The following SYT16 variants were observed in gnomAD, a reference collection of about 807,000 sequenced individuals.
SYT16 encodes the protein synaptotagmin-16.
SYT16 carries 42 observed loss-of-function variants against 61.4 expected under a neutral mutation model. The observed-to-expected ratio is 0.68, with a 90% CI of 0.53 to 0.89. The LOEUF is 0.89. Among genes scored for constraint, SYT16 ranks in the 40% least tolerant of loss-of-function variants. SYT16 has a pLI of 0.00. For synonymous variants in SYT16, 314 were observed against 302.3 expected, an observed-to-expected ratio of 1.04 and a Z score of -0.40; for missense variants, 804 against 807.3, an observed-to-expected ratio of 1.00 and a Z score of 0.05.
At chr14:62,059,125 G>A (rs113183713) in intron 3 of SYT16, among the ~76,000 whole-genome samples, 15,840 of 151,986 alleles carry the variant, frequency 0.1, 2,105 homozygotes, top group African/African-American at 0.31. Flanking sequence ...ATGGGTACTA[G>A]GCTTCATATC....
At chr14:61,980,230 A>T (rs1017921689) in intron 2 of SYT16, among the ~76,000 whole-genome samples, 6 of 152,228 alleles carry the variant, frequency 3.9e-5, no homozygotes, top group Non-Finnish European at 7.3e-5. Context: ...CTTAATTTGC[A>T]TAGAATATAC....
chr14:61,828,721 T>A (rs1274451623), intron 1 of SYT16, among the ~76,000 whole-genome samples: 3 of 152,236 alleles, frequency 2.0e-5, no homozygotes, highest in Non-Finnish European at 4.4e-5. Flanking sequence ...TCCTATCTGA[T>A]ACCATAAACA....
At chr14:62,035,333 C>T in intron 3 of SYT16, among the ~76,000 whole-genome samples, 1 of 152,278 alleles carries the variant, frequency 6.6e-6, no homozygotes. Context: ...GTGCTGTGTA[C>T]TGCTTTGATT....
At chr14:62,089,135 T>C (rs1340138235) in intron 7 of SYT16, among the ~76,000 whole-genome samples, 2 of 151,896 alleles carry the variant, frequency 1.3e-5, no homozygotes, top group East Asian at 3.9e-4. Context: ...CTGGTCAAAA[T>C]GGTGAAACCC....
intron 1 of SYT16, among the ~76,000 whole-genome samples, chr14:61,957,094 A>T (rs1182370375): frequency 6.6e-6 from 1 of 151,908 alleles, no homozygotes; most frequent in Non-Finnish European, 1.5e-5. Context: ...CTAATTACTC[A>T]TTCAAATAGG....
At chr14:62,077,414 C>T (rs779188981) in intron 5 of SYT16, among the ~76,000 whole-genome samples, 8 of 152,190 alleles carry the variant, frequency 5.3e-5, no homozygotes, top group Non-Finnish European at 7.3e-5. Flanking sequence ...TCTCTGCTGG[C>T]GAAGGCCTTT....
chr14:61,947,306 G>GTGTA (rs2050483828), intron 1 of SYT16, among the ~76,000 whole-genome samples: 2 of 148,856 alleles, frequency 1.3e-5, no homozygotes, highest in African/African-American at 5.1e-5. Context: ...GTGTGTGTGT[G>GTGTA]TGTGTTTGTG....
chr14:62,081,647 T>G (rs1892052), intron 6 of SYT16, among the ~76,000 whole-genome samples: 26,179 of 152,180 alleles, frequency 0.17, 2,527 homozygotes, highest in African/African-American at 0.25. Flanking sequence ...GCAAGGTTCT[T>G]AACGGGTATG....
At chr14:61,975,197 C>A (rs1208853580) in intron 2 of SYT16, among the ~76,000 whole-genome samples, 3 of 152,110 alleles carry the variant, frequency 2.0e-5, no homozygotes, top group East Asian at 3.9e-4. Context: ...AAGTTGAGGA[C>A]CATCTGTGCA....
intron 3 of SYT16, among the ~76,000 whole-genome samples, chr14:62,026,396 T>A (rs1160991481): frequency 1.3e-5 from 2 of 152,184 alleles, no homozygotes; most frequent in Non-Finnish European, 2.9e-5. Context: ...GTATCTGGTG[T>A]CTGGTGTCTG....
At chr14:61,870,023 A>C (rs1392566377) in intron 1 of SYT16, among the ~76,000 whole-genome samples, 2 of 152,248 alleles carry the variant, frequency 1.3e-5, no homozygotes, top group African/African-American at 4.8e-5. Flanking sequence ...TTCTAAGTAT[A>C]TTAAAAATAA....
chr14:61,923,866 A>G (rs769735786), intron 1 of SYT16, among the ~76,000 whole-genome samples: 3 of 152,244 alleles, frequency 2.0e-5, no homozygotes, highest in South Asian at 4.1e-4. Context: ...CTTCAAAACC[A>G]TGTTGACAAA....
intron 3 of SYT16, among the ~76,000 whole-genome samples, chr14:62,031,256 G>A (rs572322427): frequency 6.6e-6 from 1 of 152,314 alleles, no homozygotes; most frequent in South Asian, 2.1e-4. Flanking sequence ...ATTTGGTTGA[G>A]TTCAGAGAAA....
At chr14:62,042,239 G>A (rs1566789335) in intron 3 of SYT16, among the ~76,000 whole-genome samples, 1 of 152,036 alleles carries the variant, frequency 6.6e-6, no homozygotes, top group Non-Finnish European at 1.5e-5. Flanking sequence ...CTGGCCTCAA[G>A]TGATCCTCCC....
chr14:62,061,986 G>T (rs1473949092), intron 3 of SYT16, among the ~76,000 whole-genome samples: 2 of 152,034 alleles, frequency 1.3e-5, no homozygotes, highest in East Asian at 3.9e-4. Flanking sequence ...CTTGTAGAGG[G>T]GTTAGTTTGA....
chr14:62,016,723 A>G (rs2053699296), intron 3 of SYT16, among the ~76,000 whole-genome samples: 1 of 151,994 alleles, frequency 6.6e-6, no homozygotes, highest in Non-Finnish European at 1.5e-5. Flanking sequence ...AAAAAAGAAA[A>G]AAAATAAAGT....
intron 1 of SYT16, among the ~76,000 whole-genome samples, chr14:61,848,696 C>T (rs988564462): frequency 6.6e-6 from 1 of 152,194 alleles, no homozygotes; most frequent in African/African-American, 2.4e-5. Context: ...AAGGTCCAGA[C>T]ATGTTCTCTG....
At chr14:61,983,984 T>C (rs1012518035) in intron 2 of SYT16, among the ~76,000 whole-genome samples, 2 of 152,238 alleles carry the variant, frequency 1.3e-5, no homozygotes, top group African/African-American at 4.8e-5. Flanking sequence ...GAAGAGAACC[T>C]ACTTTTAGGG....
chr14:61,906,722 CA>C (rs2048727426), intron 1 of SYT16, among the ~76,000 whole-genome samples: 1 of 114,100 alleles, frequency 8.8e-6, no homozygotes, highest in Non-Finnish European at 1.9e-5. Flanking sequence ...TCCATCCATC[CA>C]TCCATCCATC....
Sources: gnomAD v4.1 joint callset for allele counts (sites outside exome capture counted in the v4.1 genomes callset) on GRCh38, gnomAD v4.1.1 for gene constraint, MANE v1.5 for transcripts, NCBI Gene and HGNC (gene_info 2026-07-23, HGNC 2026-07-21) for gene names.